The following ATXN10 variants were observed in gnomAD, a reference collection of about 807,000 sequenced individuals.
The protein encoded by ATXN10 is ataxin 10.
A neutral mutation model predicts 52.9 loss-of-function variants in ATXN10; 28 were observed. The ratio of observed to expected loss-of-function variants is 0.53; its 90% CI spans 0.39 to 0.73. The LOEUF is 0.73. ATXN10 is among the 30% of genes least tolerant of loss of function. ATXN10 has a pLI of 0.00. For synonymous variants in ATXN10, 226 were observed against 221.5 expected (o/e 1.02, Z -0.18); for missense variants, 565 against 577.0 (o/e 0.98, Z 0.21).
rs191065333 is a variant in ATXN10 at position 45,787,575 on chromosome 22, T to G, written c.1174-19384T>G. On this transcript the variant is annotated intron_variant, in intron 9 of 11. Coordinates refer to ENST00000252934, the MANE Select transcript of ATXN10 (RefSeq NM_013236.4). This position sits in a 1 kb window ranked among gnomAD's most constrained non-coding sequence, Gnocchi z 4.2. ...GGGAAGGAATGCTGTCCAGTCGTCTTGAGTTGAACGTTCTCATCAATACTT... is the reference window on the plus strand; with the variant it reads ...GGGAAGGAATGCTGTCCAGTCGTCTGGAGTTGAACGTTCTCATCAATACTT... Among the ~76,000 whole-genome samples the G allele has an allele frequency of 6.6e-6, 1 of 152,186 alleles. No homozygotes were observed. The highest frequency in any genetic ancestry group is 1.5e-5 in the Non-Finnish European group (1 of 68,020).
Position 45,837,193 on chromosome 22 carries a change from A to G in ATXN10, c.1238-5798A>G, listed in dbSNP as rs1485890532. ...AGAACATTATGAAAAGTCTTTTAAC[A>G]CATTTAAATCATTTTAATTTACATA... On this transcript the variant is annotated intron_variant, in intron 10 of 11. Transcript: ENST00000252934. This position sits in a 1 kb window ranked among gnomAD's most constrained non-coding sequence, Gnocchi z 5.8. Among the ~76,000 whole-genome samples the G allele has an allele frequency of 6.6e-6, 1 of 152,234 alleles. No homozygotes were observed. Among genetic ancestry groups the G allele is most frequent in the Non-Finnish European group, 1.5e-5 (1 of 68,040 alleles).
At chr22:45,768,515 T>C (rs1926666840) in intron 9 of ATXN10, among the ~76,000 whole-genome samples, 1 of 152,240 alleles carries the variant, frequency 6.6e-6, no homozygotes, top group Non-Finnish European at 1.5e-5. Context: ...TGTGAAGTTT[T>C]CTTGCTAAAA....
At chr22:45,793,630 T>C in intron 9 of ATXN10, 2 of 1,362,284 alleles carry the variant, frequency 1.5e-6, no homozygotes, top group South Asian at 2.4e-5. Flanking sequence ...AGTCACAGTC[T>C]GTTCCACCAG....
chr22:45,751,763 A>AAAAAAAAAAAAAAAATAATAATAATAAT, intron 9 of ATXN10, among the ~76,000 whole-genome samples: 2 of 66,628 alleles, frequency 3.0e-5, no homozygotes, highest in South Asian at 3.8e-4. Flanking sequence ...AATAAAAAAA[A>AAAAAAAAAAAAAAAATAATAATAATAAT]AATAATAATA....
chr22:45,840,627 C>G lies in ATXN10; in HGVS notation c.1238-2364C>G, dbSNP rs1467915118. 6.6e-6 allele frequency among the ~76,000 whole-genome samples: 1 copy of G among 152,132 alleles called. No individual in the cohort carries two copies. The highest frequency in any genetic ancestry group is 2.4e-5 in the African/African-American group (1 of 41,416). On this transcript the variant is annotated intron_variant, in intron 10 of 11. Coordinates refer to ENST00000252934, the MANE Select transcript of ATXN10 (RefSeq NM_013236.4). The surrounding 1 kb of genome is among the most constrained non-coding windows in gnomAD (Gnocchi z 5.8). ...GGCCGTCTGGCAGGGTCTCACGTGC[C>G]CTGGAGTGGAGCAGTTTGATAGTCC... is the stretch of plus-strand genomic sequence containing the variant.
chr22:45,779,391 T>C (rs1927068720), intron 9 of ATXN10, among the ~76,000 whole-genome samples: 1 of 152,208 alleles, frequency 6.6e-6, no homozygotes, highest in Non-Finnish European at 1.5e-5. Context: ...CTCCAGAATA[T>C]AATTCAGAAG....
chr22:45,782,743 C>CTTT (rs2146855148), intron 9 of ATXN10, among the ~76,000 whole-genome samples: 1 of 152,286 alleles, frequency 6.6e-6, no homozygotes, highest in Non-Finnish European at 1.5e-5. Flanking sequence ...GATTTGTGCA[C>CTTT]TTTACCGTAA....
chr22:45,818,186 C>T lies in ATXN10; in HGVS notation c.1237+11164C>T, dbSNP rs1038576376. On this transcript the variant is annotated intron_variant, in intron 10 of 11. Coordinates refer to ENST00000252934, the MANE Select transcript of ATXN10 (RefSeq NM_013236.4). The surrounding 1 kb of genome is among the most constrained non-coding windows in gnomAD (Gnocchi z 4.6). ...TCTCATTTTCTTACACCTCCAGAAT[C>T]ACAGAGGCTAGAAGCTAAAGCTGTG... 3.3e-5 allele frequency among the ~76,000 whole-genome samples: 5 copies of T among 152,234 alleles called. No individual in the cohort carries two copies. The highest frequency in any genetic ancestry group is 7.3e-5 in the Non-Finnish European group (5 of 68,046).
In ATXN10 at chr22:45,770,450, T is replaced by C. The variant is rs555544121; in HGVS notation, c.1173+29912T>C. On this transcript the variant is annotated intron_variant, in intron 9 of 11. Transcript: ENST00000252934. This position sits in a 1 kb window ranked among gnomAD's most constrained non-coding sequence, Gnocchi z 4.5. The stretch of plus-strand genomic sequence containing the variant: ...TGGGACACACACGTGTGTTTCTGTG[T>C]CTGTGAATGTGTGTTGCAACATTAG... Among the ~76,000 whole-genome samples, 202 of 152,304 alleles carry C rather than the reference T, an allele frequency of 1.3e-3. No homozygotes were observed. The highest frequency in any genetic ancestry group is 2.1e-3 in the Non-Finnish European group (145 of 68,010).
intron 10 of ATXN10, chr22:45,811,779 T>A (rs1222560863): frequency 6.4e-6 from 3 of 471,116 alleles, no homozygotes; most frequent in African/African-American, 2.0e-5. Context: ...CAGTTTCTGC[T>A]CCTGCTGGGT....
chr22:45,672,272 C>T (rs1359889865), intron 1 of ATXN10, 93 bp downstream of exon 1: 8 of 1,224,680 alleles, frequency 6.5e-6, no homozygotes, highest in Non-Finnish European at 8.2e-6. Flanking sequence ...CCGCCCCCGC[C>T]TCGCTGGAGA....
In ATXN10 at chr22:45,750,557, T is replaced by C. The variant is rs564727172; in HGVS notation, c.1173+10019T>C. 6.6e-6 allele frequency among the ~76,000 whole-genome samples: 1 copy of C among 152,354 alleles called. No individual in the cohort carries two copies. The highest frequency in any genetic ancestry group is 2.4e-5 in the African/African-American group (1 of 41,574). ...ATGGAAGTATGGAATATGGGAAAGATATTAGTTATTTTTAAACTGATTTTT... is the reference window on the plus strand; with the variant it reads ...ATGGAAGTATGGAATATGGGAAAGACATTAGTTATTTTTAAACTGATTTTT... On this transcript the variant is annotated intron_variant, in intron 9 of 11. Transcript: ENST00000252934. The surrounding 1 kb of genome is among the most constrained non-coding windows in gnomAD (Gnocchi z 4.2).
intron 1 of ATXN10, among the ~76,000 whole-genome samples, chr22:45,685,224 C>A (rs890508203): frequency 2.6e-5 from 4 of 151,770 alleles, no homozygotes; most frequent in African/African-American, 9.7e-5. Flanking sequence ...TTTACTCAAA[C>A]AGAACTTGCC....
chr22:45,831,341 G>A (rs376941583), intron 10 of ATXN10, among the ~76,000 whole-genome samples: 8 of 151,840 alleles, frequency 5.3e-5, no homozygotes, highest in African/African-American at 1.7e-4. Flanking sequence ...GTTAGGATGC[G>A]AAATTTTATG....
intron 9 of ATXN10, among the ~76,000 whole-genome samples, chr22:45,753,260 G>T (rs1406636816): frequency 2.7e-5 from 4 of 150,522 alleles, no homozygotes; most frequent in African/African-American, 9.8e-5. Context: ...ATCTTCTTAG[G>T]AGAAACCTTT....
intron 5 of ATXN10, among the ~76,000 whole-genome samples, chr22:45,713,129 G>A (rs544743369): frequency 1.3e-5 from 2 of 152,010 alleles, no homozygotes; most frequent in African/African-American, 4.8e-5. Flanking sequence ...GACTGTCTCT[G>A]TTTACTGGTG....
At chr22:45,755,933 G>T (rs1042044880) in intron 9 of ATXN10, among the ~76,000 whole-genome samples, 2 of 152,116 alleles carry the variant, frequency 1.3e-5, no homozygotes, top group Admixed American at 6.5e-5. Flanking sequence ...CCAATCAAGG[G>T]TGCAACCGCA....
chr22:45,843,261 C>T lies in ATXN10; in HGVS notation c.1425+83C>T. 5 of 1,436,290 alleles carry T rather than the reference C, an allele frequency of 3.5e-6. No homozygotes were observed. The highest frequency in any genetic ancestry group is 1.2e-5 in the South Asian group (1 of 85,712). The allele number at this position is 1,436,290 out of a possible 1,614,324, so 89.0% of individuals were successfully genotyped here. A position where few individuals can be genotyped will look rare whatever the true frequency, so the allele number is the denominator to read the frequency against. On this transcript the variant is annotated intron_variant, in intron 11 of 11. Coordinates refer to ENST00000252934, the MANE Select transcript of ATXN10 (RefSeq NM_013236.4). The surrounding 1 kb of genome is among the most constrained non-coding windows in gnomAD (Gnocchi z 4.5). Reference sequence around the variant, plus strand: ...TCCCCATTGCTTCAAGCACGAGGCTCTTTGTAAGAATATGGATGGGAGAAT... The same window carrying T: ...TCCCCATTGCTTCAAGCACGAGGCTTTTTGTAAGAATATGGATGGGAGAAT...
Position 45,712,435 on chromosome 22 carries a change from A to C in ATXN10, c.648-5978A>C, listed in dbSNP as rs543778986. On this transcript the variant is annotated intron_variant, in intron 5 of 11. Coordinates refer to ENST00000252934, the MANE Select transcript of ATXN10 (RefSeq NM_013236.4). This position sits in a 1 kb window ranked among gnomAD's most constrained non-coding sequence, Gnocchi z 4.6. Reference sequence around the variant, plus strand: ...TTTTGTTGGAGTTGAATTCTGATACATTATTACTGGAAACAGGAGAAGCAG... The same window carrying C: ...TTTTGTTGGAGTTGAATTCTGATACCTTATTACTGGAAACAGGAGAAGCAG... Among the ~76,000 whole-genome samples the C allele has an allele frequency of 2.0e-5, 3 of 152,322 alleles. No individual in the cohort carries two copies. In the South Asian group the frequency reaches 6.2e-4, roughly 32 times the overall value.
Sources: gnomAD v4.1 joint callset for allele counts (sites outside exome capture counted in the v4.1 genomes callset) on GRCh38, gnomAD v4.1.1 for gene constraint, Gnocchi (gnomAD v3.1) non-coding constraint, MANE v1.5 for transcripts, NCBI Gene and HGNC (gene_info 2026-07-23, HGNC 2026-07-21) for gene names.